PAFAH1B3: variants seen among roughly 807,000 people sequenced by gnomAD.
PAFAH1B3 encodes the protein platelet-activating factor acetylhydrolase IB subunit alpha1.
Under a neutral mutation model 24.4 loss-of-function variants are expected in PAFAH1B3, and 15 were observed. The observed-to-expected ratio is 0.62, with a 90% CI of 0.41 to 0.95. The LOEUF is 0.95. PAFAH1B3 is among the 40% of genes least tolerant of loss of function. PAFAH1B3 has a pLI of 0.00. For missense variants in PAFAH1B3, 266 were observed against 312.2 expected, an observed-to-expected ratio of 0.85 and a Z score of 1.12; for synonymous variants, 144 against 126.5, an observed-to-expected ratio of 1.14 and a Z score of -0.93.
chr19:42,298,093 A>G (rs1378385198), intron 4 of PAFAH1B3, among the ~76,000 whole-genome samples: 1 of 152,132 alleles, frequency 6.6e-6, no homozygotes, highest in Non-Finnish European at 1.5e-5. Flanking sequence ...GCTACTCGGG[A>G]GGCTGACGTG....
At position 42,297,420 on chromosome 19, in the gene PAFAH1B3, CTG is replaced by C. The variant is rs914758641; in HGVS notation, c.409-57_409-56del. The C allele has an allele frequency of 1.0e-5, 13 of 1,272,352 alleles. No individual in the cohort carries two copies. The African/African-American group carries it at 1.9e-4, about 18-fold the overall frequency. The allele number at this position is 1,272,352 out of a possible 1,614,324, so 78.8% of individuals were successfully genotyped here. On this transcript the variant is annotated intron_variant, in intron 4 of 4. Transcript: ENST00000262890. ...AACAAGCATTTGAGTATCTTGTTCTCTGTGCCAACCTGTCCTCCACCCACCAC... is the reference window on the plus strand; with the variant it reads ...AACAAGCATTTGAGTATCTTGTTCTCTGCCAACCTGTCCTCCACCCACCAC...
intron 4 of PAFAH1B3, chr19:42,299,769 C>G: frequency 1.4e-6 from 1 of 707,070 alleles, no homozygotes; most frequent in African/African-American, 1.8e-5. Context: ...TTAAGCCATC[C>G]CTGGGCAAAA....
intron 4 of PAFAH1B3, 70 bp from the exon 5 acceptor site, chr19:42,297,435 C>T (rs947606209): frequency 5.6e-6 from 8 of 1,422,678 alleles, no homozygotes; most frequent in Admixed American, 1.9e-5. Context: ...CCAACCTGTC[C>T]TCCACCCACC....
upstream of PAFAH1B3, chr19:42,302,675 C>G (rs1448220893): frequency 1.8e-5 from 5 of 281,596 alleles, no homozygotes; most frequent in Non-Finnish European, 3.4e-5. Flanking sequence ...AACCACCCAC[C>G]GGTCACGGGG....
Position 42,302,267 on chromosome 19 carries a change from G to C in PAFAH1B3, c.43C>G (p.Gln15Glu). ...CAGCGCCCGTCGCCCTGTACGTCCT[G>C]CACCGGCGTGGGCTTGCTGGCTGGG... ...ENPASKPTPV[Q>E]DVQGDGRWMS... Residue 15 changes from glutamine to glutamate, a missense_variant, in exon 1 of 5, where the codon CAG becomes GAG. By Grantham distance (29) the Gln-to-Glu change is conservative (BLOSUM62 2). Transcript: ENST00000262890. The C allele has an allele frequency of 6.2e-7, 1 of 1,606,998 alleles. No homozygotes were observed. The highest frequency in any genetic ancestry group is 2.2e-5 in the East Asian group (1 of 44,644).
rs780475032 is a variant in PAFAH1B3, at chr19:42,297,353, G to T, written c.421C>A (p.Arg141=). The change falls in exon 5 of 5, where the codon CGA becomes AGA. Residue 141 remains arginine (R), a synonymous_variant. Transcript: ENST00000262890. ...ARVVVLGLLP[R]GQHPNPLREK... ...CGAAGTGGGTTGGGATGTTGGCCTC[G>T]CGGAAGCAGGCCCTGAGCAGGAACA... The T allele has an allele frequency of 1.2e-5, 20 of 1,607,104 alleles. No homozygotes were observed. The highest frequency in any genetic ancestry group is 1.6e-5 in the Non-Finnish European group (19 of 1,174,160).
intron 2 of PAFAH1B3, among the ~76,000 whole-genome samples, chr19:42,301,417 A>G (rs538822427): frequency 6.6e-6 from 1 of 152,096 alleles, no homozygotes; most frequent in Admixed American, 6.5e-5. Flanking sequence ...CAACCAACCA[A>G]CCAACCAACA....
intron 2 of PAFAH1B3, among the ~76,000 whole-genome samples, chr19:42,300,593 C>T (rs1203381341): frequency 1.3e-5 from 2 of 151,746 alleles, no homozygotes; most frequent in Non-Finnish European, 2.9e-5. Context: ...TCTCGGCTCA[C>T]TGCAACCTCC....
chr19:42,302,305 C>T lies in PAFAH1B3; in HGVS notation c.5G>A (p.Ser2Asn), dbSNP rs770192612. Residue 2 changes from serine to asparagine, a missense_variant, in exon 1 of 5, where the codon AGT becomes AAT. By Grantham distance (46) the Ser-to-Asn change is conservative (BLOSUM62 1). Transcript: ENST00000262890. M[S>N]GEENPASKPT... ...CTTGCTGGCTGGGTTCTCCTCTCCACTCATCTTGGCGCCGCAGCTCCTGCA... is the reference window on the plus strand; with the variant it reads ...CTTGCTGGCTGGGTTCTCCTCTCCATTCATCTTGGCGCCGCAGCTCCTGCA... 3 of 1,603,370 alleles carry T rather than the reference C, an allele frequency of 1.9e-6. No individual in the cohort carries two copies. Among genetic ancestry groups the T allele is most frequent in the East Asian group, 2.2e-5 (1 of 44,544 alleles).
Position 42,297,044 on chromosome 19 carries a change from G to A in PAFAH1B3, c.*34C>T, listed in dbSNP as rs1239380834. The A allele has an allele frequency of 6.3e-7, 1 of 1,580,192 alleles. No homozygotes were observed. The highest frequency in any genetic ancestry group is 8.6e-7 in the Non-Finnish European group (1 of 1,156,342). ...AGCAGGAAACAGCACACTGAGGAAG[G>A]AGAGTTTAATGTTGTGGGAAGGCAG... On this transcript the variant is annotated 3_prime_UTR_variant, in exon 5 of 5. Transcript: ENST00000262890.
chr19:42,299,790 G>A (rs1024578269), intron 4 of PAFAH1B3, 180 bp downstream of exon 4: 1 of 801,970 alleles, frequency 1.2e-6, no homozygotes, highest in Non-Finnish European at 2.0e-6. Flanking sequence ...AAGGCTAATT[G>A]GTCTCGGAGC....
Position 42,301,953 on chromosome 19 carries a change from G to A in PAFAH1B3, c.165C>T (p.Cys55=). 1 of 1,557,018 alleles carries A rather than the reference G, an allele frequency of 6.4e-7. No homozygotes were observed. Among genetic ancestry groups the A allele is most frequent in the Non-Finnish European group, 8.7e-7 (1 of 1,150,142 alleles). The change falls in exon 2 of 5, where the codon TGC becomes TGT. Residue 55 remains cysteine (C), a synonymous_variant. Coordinates refer to ENST00000262890, the MANE Select transcript of PAFAH1B3 (RefSeq NM_002573.4). ...GGGGGAGAGGGACTGCCCTCACCTC[G>A]CACTGGTGCATGAGCTGGACCAAGG... ...GDSLVQLMHQ[C]EIWRELFSPL... is the part of the protein sequence containing the mutation.
chr19:42,298,361 C>T (rs1343442967), intron 4 of PAFAH1B3, among the ~76,000 whole-genome samples: 32 of 152,066 alleles, frequency 2.1e-4, no homozygotes, highest in Admixed American at 1.8e-3. Flanking sequence ...TGTGGTGGCA[C>T]GCGCCTGCAG....
chr19:42,299,551 A>C (rs1429083209), intron 4 of PAFAH1B3, among the ~76,000 whole-genome samples: 2 of 151,902 alleles, frequency 1.3e-5, no homozygotes, highest in Non-Finnish European at 2.9e-5. Context: ...CAGCCTGCCA[A>C]GTTAGCTGGG....
chr19:42,300,155 C>A lies in PAFAH1B3; in HGVS notation c.285+16G>T. On this transcript the variant is annotated intron_variant, in intron 3 of 4. Coordinates refer to ENST00000262890, the MANE Select transcript of PAFAH1B3 (RefSeq NM_002573.4). ...AGCCAAAAGATGTTTTAGAGCCCCA[C>A]CCAAGCCCCGCTCACCTTGGGCCGG... 6.2e-7 allele frequency: 1 copy of A among 1,614,166 alleles called. No individual in the cohort carries two copies. The highest frequency in any genetic ancestry group is 8.5e-7 in the Non-Finnish European group (1 of 1,179,984).
Position 42,302,255 on chromosome 19 carries a change from C to T in PAFAH1B3, c.55G>A (p.Gly19Ser), listed in dbSNP as rs145667000. 1.1e-4 allele frequency: 171 copies of T among 1,605,102 alleles called. No individual in the cohort carries two copies. The Middle Eastern group carries it at 1.5e-3, about 14-fold the overall frequency. The change falls in exon 1 of 5, where the codon GGC becomes AGC. Residue 19 changes from glycine (G) to serine (S), a missense_variant. Transcript: ENST00000262890. ...ACCAGGGACATCCAGCGCCCGTCGC[C>T]CTGTACGTCCTGCACCGGCGTGGGC... ...SKPTPVQDVQ[G>S]DGRWMSLHHR...
intron 4 of PAFAH1B3, among the ~76,000 whole-genome samples, chr19:42,299,148 C>T (rs1009062387): frequency 1.3e-4 from 19 of 141,872 alleles, no homozygotes; most frequent in Non-Finnish European, 2.4e-4. Context: ...CAGAGTTTCG[C>T]TCCTGTTGCC....
chr19:42,298,669 T>C (rs1344058083), intron 4 of PAFAH1B3, among the ~76,000 whole-genome samples: 1 of 152,206 alleles, frequency 6.6e-6, no homozygotes, highest in Non-Finnish European at 1.5e-5. Context: ...TGTTTTCTGG[T>C]GAGACAGGGT....
upstream of PAFAH1B3, chr19:42,302,766 T>C (rs1268406553): frequency 7.9e-6 from 1 of 127,080 alleles, no homozygotes; most frequent in Non-Finnish European, 1.5e-5. Flanking sequence ...AACCATTTGC[T>C]GTACAGAGTG....
Sources: gnomAD v4.1 joint callset for allele counts (sites outside exome capture counted in the v4.1 genomes callset) on GRCh38, gnomAD v4.1.1 for gene constraint, MANE v1.5 for transcripts, NCBI Gene and HGNC (gene_info 2026-07-23, HGNC 2026-07-21) for gene names.